The following DYM variants were observed in gnomAD, a reference collection of about 807,000 sequenced individuals.
DYM encodes dyggve-Melchior-Clausen syndrome protein.
Under a neutral mutation model 93.1 loss-of-function variants are expected in DYM, and 78 were observed. The observed-to-expected ratio is 0.84, with a 90% CI of 0.70 to 1.01. The LOEUF (loss-of-function observed/expected upper bound fraction) is 1.01. DYM is among the 50% of genes least tolerant of loss of function. The pLI is 0.00. For missense variants in DYM, 789 were observed against 845.0 expected (o/e 0.93, Z 0.82); for synonymous variants, 321 against 319.7 (o/e 1.00, Z -0.04).
chr18:49,332,864 G>A (rs2146845237), intron 7 of DYM, among the ~76,000 whole-genome samples: 1 of 152,314 alleles, frequency 6.6e-6, no homozygotes, highest in East Asian at 1.9e-4. Context: ...CAGCAAAGAT[G>A]CACACAGTCC....
Position 49,044,099 on chromosome 18 carries a change from A to G in DYM, c.2131T>C (p.Trp711Arg), listed in dbSNP as rs1488866469. 1.2e-6 allele frequency: 2 copies of G among 1,613,974 alleles called. No homozygotes were observed. The highest frequency in any genetic ancestry group is 1.7e-6 in the Non-Finnish European group (2 of 1,180,048). Residue 711 changes from tryptophan (W) to arginine (R), a missense_variant, in exon 18 of 18, where the codon TGG becomes CGG. This residue lies in a region of DYM where 114 missense variants were observed against 105.8 expected (regional missense o/e 1.08). Transcript: ENST00000675505. ...AACAGCTGGATGTCCTGTGGATTCC[A>G]GTACAGGCCGACTGCTGAGTTGTAG... ...LVYNSAVGLY[W>R]NPQDIQLFTM...
intron 17 of DYM, among the ~76,000 whole-genome samples, chr18:49,056,173 A>G (rs1033832845): frequency 2.0e-5 from 3 of 152,208 alleles, no homozygotes; most frequent in Non-Finnish European, 4.4e-5. Flanking sequence ...GACTCTTCAG[A>G]CAACTCAGAG....
rs922771589 is a variant in DYM, at chr18:49,042,607, C to A, written c.*1448G>T. The A allele has an allele frequency of 6.6e-6, 1 of 152,272 alleles. No homozygotes were observed. Among genetic ancestry groups the A allele is most frequent in the Non-Finnish European group, 1.5e-5 (1 of 68,060 alleles). 9.4% of individuals were successfully genotyped at this position (152,272 alleles called of 1,614,324 possible). On this transcript the variant is annotated 3_prime_UTR_variant, in exon 18 of 18. Transcript: ENST00000675505. ...TGGGACACAGGACAGGAGAAGCCAG[C>A]CCTGACACAGATGAGCTGGCAGTGG...
chr18:49,057,709 T>C (rs138664212), intron 17 of DYM, among the ~76,000 whole-genome samples: 2 of 152,348 alleles, frequency 1.3e-5, no homozygotes, highest in African/African-American at 4.8e-5. Context: ...GATCAATTAC[T>C]TGAAATTTCA....
chr18:49,359,730 A>G (rs564616175), intron 6 of DYM: 5 of 152,372 alleles, frequency 3.3e-5, no homozygotes, highest in Non-Finnish European at 7.3e-5. Context: ...ATTAAAATTC[A>G]TTTCATCTTG....
chr18:49,238,608 AC>A (rs1286967192), intron 13 of DYM, among the ~76,000 whole-genome samples: 1 of 152,058 alleles, frequency 6.6e-6, no homozygotes, highest in Non-Finnish European at 1.5e-5. Context: ...AAAATGAGCA[AC>A]AAAAAAGATG....
chr18:49,289,776 C>CATATATATAT (rs368783117), intron 8 of DYM, among the ~76,000 whole-genome samples: 7 of 85,504 alleles, frequency 8.2e-5, no homozygotes, highest in South Asian at 4.0e-4. Context: ...TATATATACA[C>CATATATATAT]ATATATATAT....
intron 6 of DYM, among the ~76,000 whole-genome samples, chr18:49,350,894 T>A (rs2065062345): frequency 6.6e-6 from 1 of 152,090 alleles, no homozygotes; most frequent in Non-Finnish European, 1.5e-5. Context: ...AAAATAAGTA[T>A]TTTAGTACAG....
chr18:49,039,835 A>G lies in DYM; in HGVS notation c.*4220T>C, dbSNP rs2070842517. On this transcript the variant is annotated 3_prime_UTR_variant, in exon 18 of 18. Coordinates refer to ENST00000675505, the MANE Select transcript of DYM (RefSeq NM_001353214.3). Reference sequence around the variant, plus strand: ...CATAGCTGTTTTAAATTCTGCGACAACTTTATCTGGAGTCTGTTTGGATAT... The same window carrying G: ...CATAGCTGTTTTAAATTCTGCGACAGCTTTATCTGGAGTCTGTTTGGATAT... Among the ~76,000 whole-genome samples the G allele has an allele frequency of 6.6e-6, 1 of 152,232 alleles. No homozygotes were observed. Among genetic ancestry groups the G allele is most frequent in the African/African-American group, 2.4e-5 (1 of 41,446 alleles).
intron 16 of DYM, among the ~76,000 whole-genome samples, chr18:49,099,248 T>C (rs2079878627): frequency 2.0e-5 from 3 of 152,174 alleles, no homozygotes. Flanking sequence ...ATTTCACTAC[T>C]GGATTTTTGT....
At chr18:49,115,184 T>C (rs1317289652) in intron 16 of DYM, among the ~76,000 whole-genome samples, 1 of 152,244 alleles carries the variant, frequency 6.6e-6, no homozygotes, top group East Asian at 1.9e-4. Flanking sequence ...GCTTAGCAAG[T>C]ATGCAATAAA....
chr18:49,300,495 G>C (rs956069572), intron 8 of DYM, among the ~76,000 whole-genome samples: 3 of 151,910 alleles, frequency 2.0e-5, no homozygotes, highest in Non-Finnish European at 2.9e-5. Flanking sequence ...AGCTACTTGA[G>C]AGGCTGACAC....
Position 49,391,624 on chromosome 18 carries a change from C to G in DYM, c.162G>C (p.Glu54Asp). The change falls in exon 3 of 18, where the codon GAG becomes GAC. Residue 54 changes from glutamate (E) to aspartate (D), a missense_variant. This residue lies in a region of DYM where 450 missense variants were observed against 436.2 expected (regional missense o/e 1.03). Coordinates refer to ENST00000675505, the MANE Select transcript of DYM (RefSeq NM_001353214.3). ...ACCTGCAGACTGAAATGGTTGCTTC[C>G]TCCAAGAGTTTCAACTCACTACTGG... ...PTSSSELKLL[E>D]EATISVCRSL... 1.2e-6 allele frequency: 2 copies of G among 1,613,456 alleles called. No homozygotes were observed. The highest frequency in any genetic ancestry group is 1.7e-6 in the Non-Finnish European group (2 of 1,179,624).
chr18:49,089,606 T>C (rs2078860108), intron 17 of DYM, among the ~76,000 whole-genome samples: 1 of 152,248 alleles, frequency 6.6e-6, no homozygotes, highest in Non-Finnish European at 1.5e-5. Context: ...TTCCCAAATC[T>C]GGCAGGTTAT....
At chr18:49,252,852 T>A (rs960549777) in intron 13 of DYM, among the ~76,000 whole-genome samples, 2 of 152,196 alleles carry the variant, frequency 1.3e-5, no homozygotes, top group Non-Finnish European at 2.9e-5. Context: ...CTACTCTTTA[T>A]AAATGTCTTG....
Position 49,282,240 on chromosome 18 carries a change from T to G in DYM, c.947-65A>C, listed in dbSNP as rs963847854. 4.3e-5 allele frequency: 59 copies of G among 1,367,588 alleles called. No individual in the cohort carries two copies. The Admixed American group carries it at 1.0e-3, about 23-fold the overall frequency. The allele number at this position is 1,367,588 out of a possible 1,614,324, so 84.7% of individuals were successfully genotyped here. On this transcript the variant is annotated intron_variant, in intron 9 of 17. Transcript: ENST00000675505. ...TGCTTTATATAAATAAAAATATTGT[T>G]AAAGTAATGTGTACAACTCAATTCC...
rs368798361 is a variant in DYM at position 49,452,660 on chromosome 18, G to A, written c.-54+7738C>T. ...CCAAGTCACTGCCGTGGGCTCCTGC[G>A]TGGCCTGAGCCTCCCTGACGAGCGC... is the stretch of plus-strand genomic sequence containing the variant. On this transcript the variant is annotated intron_variant, in intron 1 of 17. Coordinates refer to ENST00000675505, the MANE Select transcript of DYM (RefSeq NM_001353214.3). Among the ~76,000 whole-genome samples, 22 of 76,848 alleles carry A rather than the reference G, an allele frequency of 2.9e-4. 8 individuals are homozygous for A. The highest frequency in any genetic ancestry group is 8.8e-4 in the South Asian group (2 of 2,282). The allele number at this position is 76,848 out of a possible 152,430, so 50.4% of individuals were successfully genotyped here.
chr18:49,346,623 T>G (rs999055529), intron 6 of DYM, among the ~76,000 whole-genome samples: 1 of 152,110 alleles, frequency 6.6e-6, no homozygotes, highest in Non-Finnish European at 1.5e-5. Flanking sequence ...TTTTAAAGGG[T>G]GAAAATTTTA....
intron 13 of DYM, among the ~76,000 whole-genome samples, chr18:49,210,817 C>T (rs964897713): frequency 6.6e-6 from 1 of 152,138 alleles, no homozygotes; most frequent in Non-Finnish European, 1.5e-5. Flanking sequence ...TTTCTGATCA[C>T]TTTTGCTGTG....
Sources: allele counts gnomAD v4.1 joint callset (sites outside exome capture counted in the v4.1 genomes callset), GRCh38; gene constraint gnomAD v4.1.1; regional missense constraint gnomAD v4.1.1; transcripts MANE v1.5; gene names NCBI Gene and HGNC (gene_info 2026-07-23, HGNC 2026-07-21).